TEX14: variants seen among roughly 807,000 people sequenced by gnomAD.
TEX14 encodes testis expressed 14, intercellular bridge forming factor, also known as inactive serine/threonine-protein kinase TEX14.
Under a neutral mutation model 178.6 loss-of-function variants are expected in TEX14, and 168 were observed. That is an observed-to-expected ratio of 0.94 (90% CI 0.83 to 1.07). The LOEUF is 1.07. Among genes scored for constraint, TEX14 ranks in the 50% least tolerant of loss-of-function variants. The probability of loss-of-function intolerance (pLI) is 0.00; values close to 1 mark genes in which losing one functional copy is unlikely to be tolerated. For missense variants in TEX14, 1,730 were observed against 1,753.6 expected (o/e 0.99, Z 0.24); for synonymous variants, 626 against 634.1 (o/e 0.99, Z 0.19).
At position 58,588,104 on chromosome 17, in the gene TEX14, T is replaced by C. The variant is rs75885144; in HGVS notation, c.2577-83A>G. The C allele has an allele frequency of 6.9e-4, 471 of 677,850 alleles. 4 individuals carry two copies. In the African/African-American group the frequency reaches 7.3e-3, roughly 11 times the overall value. The allele number at this position is 677,850 out of a possible 1,614,324, so 42.0% of individuals were successfully genotyped here. A position where few individuals can be genotyped will look rare whatever the true frequency, so the allele number is the denominator to read the frequency against. On this transcript the variant is annotated intron_variant, in intron 15 of 31. Transcript: ENST00000349033. ...TTAGATTTCATGATTATAAAAGTGC[T>C]CTTGGGAGATTTTCAGAGGTAGAAG...
intron 2 of TEX14, among the ~76,000 whole-genome samples, chr17:58,630,836 T>C (rs972445639): frequency 9.2e-5 from 14 of 152,074 alleles, no homozygotes; most frequent in Non-Finnish European, 1.9e-4. Flanking sequence ...TTCTCAATCA[T>C]GGGAAAGGAT....
chr17:58,682,229 A>G (rs2047512423), intron 1 of TEX14, among the ~76,000 whole-genome samples: 2 of 150,196 alleles, frequency 1.3e-5, no homozygotes, highest in African/African-American at 2.4e-5. Flanking sequence ...GATTAGAGGC[A>G]TGGAACCACC....
rs1336903749 is a variant in TEX14, at chr17:58,577,419, C to G, written c.3276G>C (p.Lys1092Asn). 4 of 1,514,204 alleles carry G rather than the reference C, an allele frequency of 2.6e-6. No individual in the cohort carries two copies. The highest frequency in any genetic ancestry group is 2.9e-5 in the African/African-American group (2 of 69,696). 93.8% of individuals were successfully genotyped at this position (1,514,204 alleles called of 1,614,324 possible). ...GAGACCTGGGCAAAATCTCAGCATT[C>G]TTTCCAAGAATTTTTCTCATTTGGA... Reference protein sequence around the residue: ...EKFQMRKILGKNAEILPRSQF... With the variant: ...EKFQMRKILGNNAEILPRSQF... Residue 1092 changes from lysine to asparagine, a missense_variant, in exon 21 of 32, where the codon AAG (lysine) becomes AAC (asparagine). This residue lies in a region of TEX14 where 941 missense variants were observed against 1,072.4 expected (regional missense o/e 0.88). Coordinates refer to ENST00000349033, the MANE Select transcript of TEX14 (RefSeq NM_031272.5).
chr17:58,608,408 C>T (rs1001069130), intron 10 of TEX14, among the ~76,000 whole-genome samples: 1 of 144,508 alleles, frequency 6.9e-6, no homozygotes, highest in African/African-American at 2.6e-5. Context: ...CAGAGCGAGA[C>T]TCCATCTCAA....
intron 13 of TEX14, among the ~76,000 whole-genome samples, chr17:58,601,213 T>G (rs563091750): frequency 4.9e-4 from 74 of 151,502 alleles, no homozygotes; most frequent in Non-Finnish European, 9.1e-4. Flanking sequence ...TCGTGAGACC[T>G]TGTCTCTACT....
intron 15 of TEX14, among the ~76,000 whole-genome samples, chr17:58,588,551 C>T (rs1598361690): frequency 6.6e-6 from 1 of 152,244 alleles, no homozygotes; most frequent in Middle Eastern, 3.4e-3. Context: ...TCCCAAAGTG[C>T]TAGGATTACA....
intron 18 of TEX14, among the ~76,000 whole-genome samples, chr17:58,585,404 G>A (rs1157439824): frequency 6.6e-6 from 1 of 152,016 alleles, no homozygotes; most frequent in Non-Finnish European, 1.5e-5. Flanking sequence ...AAAAAAATAT[G>A]CTGGAAAGTT....
intron 19 of TEX14, among the ~76,000 whole-genome samples, chr17:58,582,089 A>G (rs1276971915): frequency 1.3e-5 from 2 of 152,176 alleles, no homozygotes; most frequent in Admixed American, 6.5e-5. Flanking sequence ...CCTCACAGGC[A>G]GAGACATAGC....
intron 24 of TEX14, among the ~76,000 whole-genome samples, chr17:58,571,286 A>G (rs1233969119): frequency 7.9e-6 from 1 of 125,908 alleles, no homozygotes. Flanking sequence ...CCCAGGCTGG[A>G]GTGTAGTGGT....
At chr17:58,602,271 A>C in intron 12 of TEX14, 129 bp downstream of exon 12, 1 of 871,986 alleles carries the variant, frequency 1.1e-6, no homozygotes, top group Non-Finnish European at 1.8e-6. Context: ...AAGAACACAG[A>C]AATGGTGTAA....
intron 1 of TEX14, among the ~76,000 whole-genome samples, chr17:58,674,773 T>C (rs1205311856): frequency 2.7e-5 from 4 of 148,834 alleles, no homozygotes; most frequent in African/African-American, 5.0e-5. Flanking sequence ...ACAAGTATAG[T>C]ATGTCAATTA....
At chr17:58,632,817 T>C (rs946755596) in intron 2 of TEX14, among the ~76,000 whole-genome samples, 1 of 152,056 alleles carries the variant, frequency 6.6e-6, no homozygotes, top group African/African-American at 2.4e-5. Context: ...TAATGAAACT[T>C]AGGCGACATC....
rs1224285544 is a variant in TEX14, at chr17:58,613,286, C to T, written c.1005+135G>A. ...AGCCTTAAATAGCATGTTATACAGC[C>T]CCTATAAAGCAAAAGAATAAAGATA... On this transcript the variant is annotated intron_variant, in intron 9 of 31. Transcript: ENST00000349033. 9 of 1,052,342 alleles carry T rather than the reference C, an allele frequency of 8.6e-6. No homozygotes were observed. In the East Asian group the frequency reaches 1.4e-4, roughly 17 times the overall value. The allele number at this position is 1,052,342 out of a possible 1,614,324, so 65.2% of individuals were successfully genotyped here.
chr17:58,563,957 C>T (rs1258487183), intron 28 of TEX14, among the ~76,000 whole-genome samples: 1 of 150,984 alleles, frequency 6.6e-6, no homozygotes, highest in Non-Finnish European at 1.5e-5. Flanking sequence ...AGTGAGGCAC[C>T]ACCTCACACC....
chr17:58,623,747 AAGAAGAAAGAAGG>A (rs1026362803), intron 3 of TEX14, among the ~76,000 whole-genome samples: 2 of 138,238 alleles, frequency 1.4e-5, no homozygotes, highest in Admixed American at 7.0e-5. Flanking sequence ...GAAAAAAAAG[AAGAAGAAAGAAGG>A]AGAAGAAGGA....
chr17:58,666,412 A>G (rs177318), intron 1 of TEX14: 18 of 134,606 alleles, frequency 1.3e-4, no homozygotes, highest in African/African-American at 3.8e-4. Context: ...TTCGGATGCC[A>G]CTGCACTCCA....
chr17:58,610,752 G>A (rs1199400437), intron 10 of TEX14, among the ~76,000 whole-genome samples: 1 of 152,024 alleles, frequency 6.6e-6, no homozygotes, highest in Non-Finnish European at 1.5e-5. Flanking sequence ...CAGGCGTGGT[G>A]GTGAGCACCT....
chr17:58,661,236 G>A (rs372568409), intron 1 of TEX14: 17 of 794,334 alleles, frequency 2.1e-5, no homozygotes, highest in Non-Finnish European at 3.7e-5. Context: ...TCGGCCACAC[G>A]ATAGTAATGG....
At chr17:58,687,780 C>G (rs1171795582) in intron 1 of TEX14, among the ~76,000 whole-genome samples, 1 of 152,184 alleles carries the variant, frequency 6.6e-6, no homozygotes, top group Non-Finnish European at 1.5e-5. Flanking sequence ...TTGGAATACT[C>G]TGACAGGTTA....
Sources: allele counts gnomAD v4.1 joint callset (sites outside exome capture counted in the v4.1 genomes callset), GRCh38; gene constraint gnomAD v4.1.1; regional missense constraint gnomAD v4.1.1; transcripts MANE v1.5; gene names NCBI Gene and HGNC (gene_info 2026-07-23, HGNC 2026-07-21).